PKN3: variants seen among roughly 807,000 people sequenced by gnomAD.
PKN3 encodes the protein serine/threonine-protein kinase N3.
Under a neutral mutation model 113.1 loss-of-function variants are expected in PKN3, and 91 were observed. The observed-to-expected ratio is 0.80, with a 90% CI of 0.68 to 0.96. The LOEUF is 0.96. Ranked by LOEUF, PKN3 falls within the 40% of genes least tolerant of loss-of-function variation. The pLI is 0.00. For missense variants in PKN3, 1,052 were observed against 1,202.2 expected (o/e 0.88, Z 1.85); for synonymous variants, 467 against 499.0 (o/e 0.94, Z 0.85).
rs1589490756 is a variant in PKN3, at chr9:128,716,631, T to A, written c.1809-116T>A. The A allele has an allele frequency of 7.8e-5, 57 of 734,070 alleles. 2 individuals are homozygous for A. The South Asian group carries it at 1.0e-3, about 13-fold the overall frequency. The allele number at this position is 734,070 out of a possible 1,614,324, so 45.5% of individuals were successfully genotyped here. On this transcript the variant is annotated intron_variant, in intron 15 of 21. Coordinates refer to ENST00000291906, the MANE Select transcript of PKN3 (RefSeq NM_013355.5). The stretch of plus-strand genomic sequence containing the variant: ...AAAAAAAATGAAAAGAAACCATCAG[T>A]CTACTTGCCTGGCACTTTGGCTGAG...
chr9:128,714,680 G>T lies in PKN3; in HGVS notation c.1584+16G>T. On this transcript the variant is annotated intron_variant, in intron 12 of 21. Transcript: ENST00000291906. ...GGAGACTCCGGTGAGGGGCTGGAGG[G>T]ACTAGTGGCTCCTAGGGCCGGCTGG... is the stretch of plus-strand genomic sequence containing the variant. 1 of 1,342,988 alleles carries T rather than the reference G, an allele frequency of 7.4e-7. No homozygotes were observed. Among genetic ancestry groups the T allele is most frequent in the Non-Finnish European group, 1.1e-6 (1 of 933,330 alleles). 83.2% of individuals were successfully genotyped at this position (1,342,988 alleles called of 1,614,324 possible).
At position 128,707,223 on chromosome 9, in the gene PKN3, C is replaced by T. The variant is rs759292162; in HGVS notation, c.653C>T (p.Ala218Val). The T allele has an allele frequency of 1.2e-6, 2 of 1,603,654 alleles. No homozygotes were observed. The highest frequency in any genetic ancestry group is 2.2e-5 in the South Asian group (2 of 90,354). The change falls in exon 6 of 22, where the codon GCC becomes GTC. Residue 218 changes from alanine to valine, a missense_variant and splice_region_variant. This residue lies in a region of PKN3 where 719 missense variants were observed against 759.4 expected (regional missense o/e 0.95). Coordinates refer to ENST00000291906, the MANE Select transcript of PKN3 (RefSeq NM_013355.5). Reference sequence around the variant, plus strand: ...GGCTCTACGTTGTCCCCTCTGCAGGCCCAGGCCCAGCTACAGGAGTCCTCT... The same window carrying T: ...GGCTCTACGTTGTCCCCTCTGCAGGTCCAGGCCCAGCTACAGGAGTCCTCT... The part of the protein sequence containing the change: ...RTQDRKALAE[A>V]QAQLQESSQK...
At chr9:128,711,431 C>T (rs1244416971) in intron 6 of PKN3, among the ~76,000 whole-genome samples, 1 of 151,888 alleles carries the variant, frequency 6.6e-6, no homozygotes, top group African/African-American at 2.4e-5. Flanking sequence ...CTCAGCCTCT[C>T]GAGTAGCTGG....
At chr9:128,705,249 G>T in intron 1 of PKN3, 54 bp from the exon 2 acceptor site, 1 of 1,542,520 alleles carries the variant, frequency 6.5e-7, no homozygotes, top group South Asian at 1.2e-5. Context: ...GGCTGCTGGT[G>T]GCCGCTGCAC....
At position 128,720,842 on chromosome 9, in the gene PKN3, A is replaced by G; in HGVS notation, c.*236A>G. On this transcript the variant is annotated 3_prime_UTR_variant, in exon 22 of 22. Transcript: ENST00000291906. The surrounding 1 kb of genome is among the most constrained non-coding windows in gnomAD (Gnocchi z 5.5). ...CCTCCCAGCGAGACCTGGCCCAGAA[A>G]GGGTGCCGCAGCAAGGAGTGATATG... 3 of 594,398 alleles carry G rather than the reference A, an allele frequency of 5.0e-6. No homozygotes were observed. The South Asian group carries it at 6.1e-5, about 12-fold the overall frequency. 36.8% of individuals were successfully genotyped at this position (594,398 alleles called of 1,614,324 possible).
chr9:128,707,150 C>G (rs1486624997), intron 5 of PKN3, 72 bp from the exon 6 acceptor site: 1 of 1,577,928 alleles, frequency 6.3e-7, no homozygotes, highest in African/African-American at 1.3e-5. Context: ...CGGAAGGTGG[C>G]TCCGGGTGAC....
chr9:128,714,744 A>G, intron 12 of PKN3, 54 bp from the exon 13 acceptor site: 1 of 1,558,774 alleles, frequency 6.4e-7, no homozygotes, highest in Non-Finnish European at 8.9e-7. Flanking sequence ...GGCAGGCCTG[A>G]AGGGAAAGAG....
chr9:128,717,582 G>T (rs1355893627), intron 16 of PKN3, among the ~76,000 whole-genome samples: 1 of 150,712 alleles, frequency 6.6e-6, no homozygotes, highest in Non-Finnish European at 1.5e-5. Context: ...ACAAAAATTA[G>T]CTAGGCATGG....
chr9:128,703,292 T>G, intron 1 of PKN3: 1 of 870,672 alleles, frequency 1.1e-6, no homozygotes, highest in Non-Finnish European at 1.4e-6. Flanking sequence ...CGACGGGAAT[T>G]AGCCGGGATA....
chr9:128,713,480 C>T lies in PKN3; in HGVS notation c.1093-19C>T, dbSNP rs773906052. On this transcript the variant is annotated intron_variant, in intron 8 of 21. Coordinates refer to ENST00000291906, the MANE Select transcript of PKN3 (RefSeq NM_013355.5). Reference sequence around the variant, plus strand: ...GCTCGTTCTGCACCCCACCCTTCAGCCTGGCCTCCCCAATACAGGCCCGTG... The same window carrying T: ...GCTCGTTCTGCACCCCACCCTTCAGTCTGGCCTCCCCAATACAGGCCCGTG... The T allele has an allele frequency of 1.2e-6, 2 of 1,613,858 alleles. No individual in the cohort carries two copies. The highest frequency in any genetic ancestry group is 2.2e-5 in the South Asian group (2 of 91,070).
rs1862323872 is a variant in PKN3, at chr9:128,715,920, T to G, written c.1808+460T>G. Among the ~76,000 whole-genome samples the G allele has an allele frequency of 6.6e-6, 1 of 151,766 alleles. No individual in the cohort carries two copies. Among genetic ancestry groups the G allele is most frequent in the Non-Finnish European group, 1.5e-5 (1 of 67,958 alleles). On this transcript the variant is annotated intron_variant, in intron 15 of 21. Transcript: ENST00000291906. This position sits in a 1 kb window ranked among gnomAD's most constrained non-coding sequence, Gnocchi z 4.1. ...TGGGAGGGTGAGGTGAGAGGATTGCTTAAGCCCAGGAGGTAGAGGTTATAG... is the reference window on the plus strand; with the variant it reads ...TGGGAGGGTGAGGTGAGAGGATTGCGTAAGCCCAGGAGGTAGAGGTTATAG...
Position 128,715,014 on chromosome 9 carries a change from C to A in PKN3, c.1652+149C>A. ...TTTACTAAACCCACATTATTGAGCT[C>A]CAGCTCTATGCCGGCTTCTAGGAGT... On this transcript the variant is annotated intron_variant, in intron 13 of 21. Transcript: ENST00000291906. This position sits in a 1 kb window ranked among gnomAD's most constrained non-coding sequence, Gnocchi z 4.1. 2.8e-6 allele frequency: 3 copies of A among 1,074,558 alleles called. No individual in the cohort carries two copies. The highest frequency in any genetic ancestry group is 4.2e-6 in the Non-Finnish European group (3 of 707,144). 66.6% of individuals were successfully genotyped at this position (1,074,558 alleles called of 1,614,324 possible). A position where few individuals can be genotyped will look rare whatever the true frequency, so the allele number is the denominator to read the frequency against.
Position 128,715,255 on chromosome 9 carries a change from G to C in PKN3, c.1716+20G>C. On this transcript the variant is annotated intron_variant, in intron 14 of 21. Transcript: ENST00000291906. The surrounding 1 kb of genome is among the most constrained non-coding windows in gnomAD (Gnocchi z 4.1). Reference sequence around the variant, plus strand: ...GGGAAGGTAGTGGGCTGAAGAGGGTGGTATGGGACGGGATTGGGGGCCTCA... The same window carrying C: ...GGGAAGGTAGTGGGCTGAAGAGGGTCGTATGGGACGGGATTGGGGGCCTCA... 1 of 1,613,458 alleles carries C rather than the reference G, an allele frequency of 6.2e-7. No homozygotes were observed. Among genetic ancestry groups the C allele is most frequent in the Non-Finnish European group, 8.5e-7 (1 of 1,179,430 alleles).
chr9:128,712,206 G>A (rs1402161066), intron 6 of PKN3, among the ~76,000 whole-genome samples: 2 of 152,268 alleles, frequency 1.3e-5, no homozygotes, highest in East Asian at 1.9e-4. Flanking sequence ...CACTGCGCCC[G>A]GCCGAGCTGT....
intron 6 of PKN3, 42 bp from the exon 7 acceptor site, chr9:128,713,009 GA>G (rs1564373930): frequency 6.4e-7 from 1 of 1,553,370 alleles, no homozygotes; most frequent in Non-Finnish European, 8.7e-7. Flanking sequence ...GTAGCAGTGG[GA>G]AGATGGCATC....
chr9:128,704,109 G>C, intron 1 of PKN3: 3 of 985,446 alleles, frequency 3.0e-6, no homozygotes, highest in Non-Finnish European at 3.6e-6. Context: ...CTGGGCTCAG[G>C]AGAAGATGGA....
chr9:128,713,513 G>T lies in PKN3; in HGVS notation c.1107G>T (p.Glu369Asp). 13 of 1,614,116 alleles carry T rather than the reference G, an allele frequency of 8.1e-6. No individual in the cohort carries two copies. Among genetic ancestry groups the T allele is most frequent in the Non-Finnish European group, 1.1e-5 (13 of 1,180,018 alleles). ...CCCCAATACAGGCCCGTGAGCTGGA[G>T]ATTGGGGTACACTGGCGGGACTGGC... is the stretch of plus-strand genomic sequence containing the variant. ...VIPLERAREL[E>D]IGVHWRDWRQ... is the part of the protein sequence containing the mutation. Residue 369 changes from glutamate to aspartate, a missense_variant, in exon 9 of 22, where the codon GAG (glutamate) becomes GAT (aspartate). This residue lies in a region of PKN3 where 719 missense variants were observed against 759.4 expected (regional missense o/e 0.95). Transcript: ENST00000291906.
intron 6 of PKN3, among the ~76,000 whole-genome samples, chr9:128,708,070 C>CAAAA (rs61519902): frequency 1.5e-5 from 1 of 68,308 alleles, no homozygotes; most frequent in Non-Finnish European, 3.1e-5. Context: ...GACGCCGTCG[C>CAAAA]AAAAAAAAAA....
chr9:128,714,060 T>G lies in PKN3; in HGVS notation c.1251T>G (p.Asp417Glu). Residue 417 changes from aspartate (D) to glutamate (E), a missense_variant, in exon 10 of 22, where the codon GAT (aspartate) becomes GAG (glutamate). Around this residue, in one of 2 missense-constraint regions of PKN3, gnomAD observed 719 missense variants for 759.4 expected, o/e 0.95. Coordinates refer to ENST00000291906, the MANE Select transcript of PKN3 (RefSeq NM_013355.5). Reference protein sequence around the residue: ...GLLFAQVTFCDPVIERRPRLQ... With the variant: ...GLLFAQVTFCEPVIERRPRLQ... Reference sequence around the variant, plus strand: ...TACCCCTGCAGGTGACCTTCTGCGATCCTGTCATTGAGAGGCGGCCCCGGC... The same window carrying G: ...TACCCCTGCAGGTGACCTTCTGCGAGCCTGTCATTGAGAGGCGGCCCCGGC... 6.2e-7 allele frequency: 1 copy of G among 1,614,078 alleles called. No homozygotes were observed.
Sources: gnomAD v4.1 joint callset for allele counts (sites outside exome capture counted in the v4.1 genomes callset) on GRCh38, gnomAD v4.1.1 for gene constraint, gnomAD v4.1.1 regional missense constraint, Gnocchi (gnomAD v3.1) non-coding constraint, MANE v1.5 for transcripts, NCBI Gene and HGNC (gene_info 2026-07-23, HGNC 2026-07-21) for gene names.